Variants in LPAR3 observed in about 807,000 individuals in gnomAD.
LPAR3 encodes lysophosphatidic acid receptor 3.
A neutral mutation model predicts 17.8 loss-of-function variants in LPAR3; 7 were observed. The observed-to-expected ratio is 0.39, with a 90% CI of 0.22 to 0.74. The LOEUF is 0.74. LPAR3 is among the 30% of genes least tolerant of loss of function. The pLI is 0.40. For synonymous variants in LPAR3, 179 were observed against 179.9 expected (o/e 0.99, Z 0.04); for missense variants, 391 against 453.4 (o/e 0.86, Z 1.25).
At chr1:84,879,316 C>CTTTTCTTTTTTTTTT (rs200517029) in intron 1 of LPAR3, among the ~76,000 whole-genome samples, 1 of 120,602 alleles carries the variant, frequency 8.3e-6, no homozygotes, top group African/African-American at 3.5e-5. Flanking sequence ...TTTCTTTTTT[C>CTTTTCTTTTTTTTTT]TTTTTTTTTT....
intron 2 of LPAR3, among the ~76,000 whole-genome samples, chr1:84,822,478 T>A (rs1183754859): frequency 6.6e-6 from 1 of 152,184 alleles, no homozygotes; most frequent in Non-Finnish European, 1.5e-5. Flanking sequence ...CTTTGGAAGG[T>A]ACAATTATAT....
intron 1 of LPAR3, among the ~76,000 whole-genome samples, chr1:84,889,386 T>G (rs1486326788): frequency 6.6e-6 from 1 of 152,102 alleles, no homozygotes. Flanking sequence ...ATGGTATAGG[T>G]GGACCCAATA....
At position 84,813,673 on chromosome 1, in the gene LPAR3, T is replaced by C; in HGVS notation, c.*173A>G. The stretch of plus-strand genomic sequence containing the variant: ...TGCTTTCTCTAAATGCAGCAGGTCC[T>C]CTCTTTACTGCCCATGCTTTTAAAC... On this transcript the variant is annotated 3_prime_UTR_variant, in exon 3 of 3. Coordinates refer to ENST00000370611, the MANE Select transcript of LPAR3 (RefSeq NM_012152.3). The C allele has an allele frequency of 1.7e-6, 1 of 589,162 alleles. No homozygotes were observed. The highest frequency in any genetic ancestry group is 3.0e-6 in the Non-Finnish European group (1 of 335,782). The allele number at this position is 589,162 out of a possible 1,614,324, so 36.5% of individuals were successfully genotyped here.
chr1:84,837,025 A>ATTTTT (rs397775811), intron 2 of LPAR3, among the ~76,000 whole-genome samples: 1 of 141,390 alleles, frequency 7.1e-6, no homozygotes, highest in African/African-American at 2.6e-5. Flanking sequence ...TACTTTATCA[A>ATTTTT]TTTTTTTTTT....
chr1:84,866,851 C>T (rs1169847809), intron 1 of LPAR3, among the ~76,000 whole-genome samples: 1 of 152,156 alleles, frequency 6.6e-6, no homozygotes, highest in Non-Finnish European at 1.5e-5. Flanking sequence ...CCCTTCCTTA[C>T]CTTTTGTTCA....
chr1:84,868,831 G>A lies in LPAR3; in HGVS notation c.-18-2693C>T, dbSNP rs187450950. Among the ~76,000 whole-genome samples, 87 of 152,156 alleles carry A rather than the reference G, an allele frequency of 5.7e-4. 2 individuals carry two copies. The highest frequency in any genetic ancestry group is 5.6e-3 in the Admixed American group (86 of 15,276). On this transcript the variant is annotated intron_variant, in intron 1 of 2. Transcript: ENST00000370611. ...TGGACCTCCTAGCTTCCAGAATAGT[G>A]AGCAATAAATTTCTGTTATTTATTA...
chr1:84,841,646 T>C (rs892014347), intron 2 of LPAR3, among the ~76,000 whole-genome samples: 2 of 152,222 alleles, frequency 1.3e-5, no homozygotes, highest in African/African-American at 2.4e-5. Context: ...CTATGGTAAC[T>C]GCTTCTACCT....
chr1:84,873,758 G>GTT (rs5775802), intron 1 of LPAR3, among the ~76,000 whole-genome samples: 7,099 of 141,466 alleles, frequency 0.05, 211 homozygotes, highest in South Asian at 0.077. Context: ...TTGCTTGTTT[G>GTT]TTTTTTTTTT....
intron 2 of LPAR3, among the ~76,000 whole-genome samples, chr1:84,841,802 C>T (rs184380462): frequency 9.9e-5 from 15 of 152,270 alleles, no homozygotes; most frequent in Non-Finnish European, 2.2e-4. Flanking sequence ...GCAGAGTGGT[C>T]TGCTCATAAG....
intron 2 of LPAR3, among the ~76,000 whole-genome samples, chr1:84,864,700 T>A (rs1660005809): frequency 6.6e-6 from 1 of 152,010 alleles, no homozygotes; most frequent in South Asian, 2.1e-4. Context: ...GGAGAATTGC[T>A]TGAACTCGGG....
intron 2 of LPAR3, among the ~76,000 whole-genome samples, chr1:84,858,248 G>A (rs1193617452): frequency 2.0e-5 from 3 of 152,220 alleles, no homozygotes; most frequent in Admixed American, 6.5e-5. Flanking sequence ...TTGGGAGGCC[G>A]AGATGGGCAG....
At chr1:84,877,174 G>A (rs527787241) in intron 1 of LPAR3, among the ~76,000 whole-genome samples, 2 of 152,334 alleles carry the variant, frequency 1.3e-5, no homozygotes, top group East Asian at 3.9e-4. Flanking sequence ...CTTTTCTTAT[G>A]ATGTCTGGCA....
chr1:84,871,103 T>C (rs1282076014), intron 1 of LPAR3, among the ~76,000 whole-genome samples: 1 of 152,174 alleles, frequency 6.6e-6, no homozygotes, highest in African/African-American at 2.4e-5. Flanking sequence ...ACTTTACTTC[T>C]GTCAAATCCC....
At chr1:84,869,035 A>G (rs1383331116) in intron 1 of LPAR3, among the ~76,000 whole-genome samples, 1 of 152,212 alleles carries the variant, frequency 6.6e-6, no homozygotes, top group Admixed American at 6.5e-5. Flanking sequence ...ATTATCTTTG[A>G]CTAATTTATT....
chr1:84,862,138 C>T (rs1334582800), intron 2 of LPAR3, among the ~76,000 whole-genome samples: 1 of 152,162 alleles, frequency 6.6e-6, no homozygotes, highest in Non-Finnish European at 1.5e-5. Context: ...ATGATTATGC[C>T]TACAAGTTAA....
At chr1:84,829,022 T>A (rs559777324) in intron 2 of LPAR3, among the ~76,000 whole-genome samples, 1 of 150,406 alleles carries the variant, frequency 6.6e-6, no homozygotes, top group Non-Finnish European at 1.5e-5. Context: ...CTCCTTTTCA[T>A]AGTTTAGGTC....
At chr1:84,859,110 G>A (rs1659885635) in intron 2 of LPAR3, among the ~76,000 whole-genome samples, 1 of 152,202 alleles carries the variant, frequency 6.6e-6, no homozygotes, top group African/African-American at 2.4e-5. Flanking sequence ...TTAACTACTT[G>A]CTTGGCAGGA....
At chr1:84,875,332 A>C (rs1488386220) in intron 1 of LPAR3, among the ~76,000 whole-genome samples, 2 of 152,252 alleles carry the variant, frequency 1.3e-5, no homozygotes, top group African/African-American at 4.8e-5. Flanking sequence ...GACTTCTGCT[A>C]TGGTATAATT....
intron 1 of LPAR3, among the ~76,000 whole-genome samples, chr1:84,881,461 A>C (rs1267628943): frequency 6.6e-6 from 1 of 152,226 alleles, no homozygotes; most frequent in African/African-American, 2.4e-5. Flanking sequence ...CACTCAATAA[A>C]TGGCAGACAG....
Sources: allele counts gnomAD v4.1 joint callset (sites outside exome capture counted in the v4.1 genomes callset), GRCh38; gene constraint gnomAD v4.1.1; transcripts MANE v1.5; gene names NCBI Gene and HGNC (gene_info 2026-07-23, HGNC 2026-07-21).